SLC52A1: variants seen among roughly 807,000 people sequenced by gnomAD.
SLC52A1 encodes the protein solute carrier family 52, riboflavin transporter, member 1.
In SLC52A1, 20 loss-of-function variants were observed where a neutral mutation model predicts 23.2. That is an observed-to-expected ratio of 0.86 (90% CI 0.61 to 1.25). The LOEUF (loss-of-function observed/expected upper bound fraction) is 1.25, where lower values mean the gene tolerates loss of function less well. Among genes scored for constraint, SLC52A1 ranks in the 50% most tolerant of loss-of-function variants. The pLI is 0.00. For missense variants in SLC52A1, 528 were observed against 557.0 expected (o/e 0.95, Z 0.52); for synonymous variants, 260 against 256.6 (o/e 1.01, Z -0.13).
upstream of SLC52A1, among the ~76,000 whole-genome samples, chr17:5,035,873 A>ATTTT (rs71149503): frequency 2.4e-3 from 111 of 45,316 alleles, 15 homozygotes; most frequent in African/African-American, 9.1e-3. Flanking sequence ...TGTCCAGCTA[A>ATTTT]TTTTTTTTTT....
rs1975405521 is a variant in SLC52A1, at chr17:5,034,305, G to A, written c.184C>T (p.Leu62=). ...SVVVALGNLG[L]LVVTLWRQLA... ...TGCCTCCACAGGGTCACCACCAGCA[G>A]ACCCAGGTTTCCCAGCGCCACAACC... Residue 62 remains leucine, a synonymous_variant, in exon 3 of 5, where the codon CTG becomes TTG. Coordinates refer to ENST00000254853, the MANE Select transcript of SLC52A1 (RefSeq NM_017986.4). 3 of 1,596,986 alleles carry A rather than the reference G, an allele frequency of 1.9e-6. No individual in the cohort carries two copies. Among genetic ancestry groups the A allele is most frequent in the Non-Finnish European group, 2.6e-6 (3 of 1,171,682 alleles).
At position 5,033,464 on chromosome 17, in the gene SLC52A1, G is replaced by C. The variant is rs758195194; in HGVS notation, c.1010+15C>G. ...CCTTAAGTTCCACCCACCAAGCCTG[G>C]GGACCCTTTTGCACCTGCACAGCAC... is the stretch of plus-strand genomic sequence containing the variant. On this transcript the variant is annotated intron_variant, in intron 3 of 4. Transcript: ENST00000254853. The C allele has an allele frequency of 3.7e-6, 6 of 1,608,280 alleles. No individual in the cohort carries two copies. The highest frequency in any genetic ancestry group is 3.4e-5 in the Admixed American group (2 of 59,688).
chr17:5,038,724 C>A (rs997922839), upstream of SLC52A1, among the ~76,000 whole-genome samples: 10 of 151,888 alleles, frequency 6.6e-5, no homozygotes, highest in Non-Finnish European at 1.0e-4. Flanking sequence ...GTAGCTGGGA[C>A]TACAGGCGCC....
rs750951452 is a variant in SLC52A1, at chr17:5,033,761, T to C, written c.728A>G (p.Glu243Gly). The C allele has an allele frequency of 5.6e-6, 9 of 1,613,942 alleles. No individual in the cohort carries two copies. The South Asian group carries it at 9.9e-5, about 18-fold the overall frequency. The change falls in exon 3 of 5, where the codon GAA (glutamate) becomes GGA (glycine). Residue 243 changes from glutamate (E) to glycine (G), a missense_variant. By Grantham distance (98) the Glu-to-Gly change is moderately conservative (BLOSUM62 -2). Transcript: ENST00000254853. Reference protein sequence around the residue: ...LQLGSPGAEEEEKEEEEALPL... With the variant: ...LQLGSPGAEEGEKEEEEALPL... Reference sequence around the variant, plus strand: ...CAAAGCCTCTTCTTCCTCCTTCTCTTCCTCCTCTGCTCCTGGGGATCCCAG... The same window carrying C: ...CAAAGCCTCTTCTTCCTCCTTCTCTCCCTCCTCTGCTCCTGGGGATCCCAG...
Position 5,034,652 on chromosome 17 carries a change from A to T in SLC52A1, c.-46T>A. 6.2e-7 allele frequency: 1 copy of T among 1,608,904 alleles called. No homozygotes were observed. The highest frequency in any genetic ancestry group is 8.5e-7 in the Non-Finnish European group (1 of 1,177,584). ...CCAGGACAGGGCAAAGGTCACAGGC[A>T]GGTCCTTCCCTAGGTAGGTCCAAAG... On this transcript the variant is annotated 5_prime_UTR_variant, in exon 2 of 5. Transcript: ENST00000254853.
At chr17:5,039,972 G>A (rs1490029578), upstream of SLC52A1, among the ~76,000 whole-genome samples, 1 of 152,188 alleles carries the variant, frequency 6.6e-6, no homozygotes, top group African/African-American at 2.4e-5. Context: ...GACCCACATG[G>A]AGGGAGTCAA....
Position 5,034,014 on chromosome 17 carries a change from AG to A in SLC52A1, c.474del (p.Cys159ValfsTer5), listed in dbSNP as rs766197700. The A allele has an allele frequency of 2.5e-6, 4 of 1,614,048 alleles. No homozygotes were observed. The highest frequency in any genetic ancestry group is 3.4e-6 in the Non-Finnish European group (4 of 1,179,942). On this transcript the variant is annotated frameshift_variant, in exon 3 of 5. Coordinates refer to ENST00000254853, the MANE Select transcript of SLC52A1 (RefSeq NM_017986.4). LOFTEE classifies it high-confidence loss of function. Reference protein sequence around the residue: ...FLGQGLSALLPCVLALVQGVG... With the variant: ...FLGQGLSALLXCVLALVQGVG... Reference sequence around the variant, plus strand: ...ACACCTTGCACTAGGGCCAGCACACAGGGGAGTAGGGCACTGAGACCCTGAC... The same window carrying A: ...ACACCTTGCACTAGGGCCAGCACACAGGGAGTAGGGCACTGAGACCCTGAC...
chr17:5,035,634 G>A (rs957020699), upstream of SLC52A1, among the ~76,000 whole-genome samples: 5 of 152,192 alleles, frequency 3.3e-5, no homozygotes, highest in Non-Finnish European at 7.3e-5. Flanking sequence ...AGCCCCCTCC[G>A]CCGGGGAGGC....
In SLC52A1 at chr17:5,033,380, G is replaced by A. The variant is rs1476735432; in HGVS notation, c.1015C>T (p.Leu339=). The change falls in exon 4 of 5, where the codon CTG becomes TTG. Residue 339 remains leucine, a synonymous_variant. Coordinates refer to ENST00000254853, the MANE Select transcript of SLC52A1 (RefSeq NM_017986.4). ...AGAGAAAGACCAACCAGCCCTGCCA[G>A]GGACCTGTTGGGGATGAGCAGAGAC... is the stretch of plus-strand genomic sequence containing the variant. The part of the protein sequence containing the change: ...FLAMGVLCRS[L]AGLVGLSLLG... 4 of 1,613,836 alleles carry A rather than the reference G, an allele frequency of 2.5e-6. No homozygotes were observed. In the African/African-American group the frequency reaches 5.3e-5, roughly 22 times the overall value.
Position 5,034,124 on chromosome 17 carries a change from G to C in SLC52A1, c.365C>G (p.Ala122Gly), listed in dbSNP as rs1485838452. 3.1e-6 allele frequency: 5 copies of C among 1,614,228 alleles called. No homozygotes were observed. Among genetic ancestry groups the C allele is most frequent in the Non-Finnish European group, 4.2e-6 (5 of 1,180,028 alleles). ...GACATTAGAGGTACAACAGGCCATT[G>C]CCAACACCAAGGCCAGAGTTAGGAA... is the stretch of plus-strand genomic sequence containing the variant. ...VAFLTLALVL[A>G]MACCTSNVTF... Residue 122 changes from alanine (A) to glycine (G), a missense_variant, in exon 3 of 5, where the codon GCA becomes GGA. Ala to Gly is a moderately conservative substitution (Grantham distance 60). Transcript: ENST00000254853.
upstream of SLC52A1, among the ~76,000 whole-genome samples, chr17:5,036,403 CTTTTTTTTT>C (rs34031349): frequency 1.7e-5 from 1 of 59,208 alleles, no homozygotes; most frequent in African/African-American, 7.8e-5. Flanking sequence ...CTAATTTTTG[CTTTTTTTTT>C]TTTTTTTTTT....
At chr17:5,040,183 C>T (rs1194700639), upstream of SLC52A1, among the ~76,000 whole-genome samples, 1 of 151,736 alleles carries the variant, frequency 6.6e-6, no homozygotes, top group East Asian at 1.9e-4. Context: ...TCTTTTCCTT[C>T]TTTTTTTTGA....
chr17:5,035,420 C>T lies in SLC52A1; in HGVS notation c.-667G>A, dbSNP rs948213543. On this transcript the variant is annotated 5_prime_UTR_variant, in exon 1 of 5. Transcript: ENST00000254853. The stretch of plus-strand genomic sequence containing the variant: ...TCTGGTGCCACTTGCAACCCTAGCG[C>T]TTTTGCGACACTCAGGACTTGCTGA... 6.6e-6 allele frequency: 1 copy of T among 152,332 alleles called. No individual in the cohort carries two copies. The highest frequency in any genetic ancestry group is 2.4e-5 in the African/African-American group (1 of 41,482). 9.4% of individuals were successfully genotyped at this position (152,332 alleles called of 1,614,324 possible).
chr17:5,033,684 G>A lies in SLC52A1; in HGVS notation c.805C>T (p.Pro269Ser), dbSNP rs1488988534. 2 of 1,613,898 alleles carry A rather than the reference G, an allele frequency of 1.2e-6. No individual in the cohort carries two copies. The highest frequency in any genetic ancestry group is 4.5e-5 in the East Asian group (2 of 44,894). Residue 269 changes from proline to serine, a missense_variant, in exon 3 of 5, where the codon CCT (proline) becomes TCT (serine). Physicochemically the swap from Pro to Ser is moderately conservative, Grantham distance 74 (BLOSUM62 -1). Transcript: ENST00000254853. ...QAAGTIPGPDPEAHQLFSAHG... is the reference protein window; with the variant it reads ...QAAGTIPGPDSEAHQLFSAHG... ...GCTGAGAACAGCTGATGGGCCTCAG[G>A]GTCTGGGCCAGGGATGGTGCCTGCT...
At chr17:5,041,603 G>A (rs1422448810) in intron 1 of SLC52A1, among the ~76,000 whole-genome samples, 1 of 151,384 alleles carries the variant, frequency 6.6e-6, no homozygotes, top group Non-Finnish European at 1.5e-5. Flanking sequence ...TCAGCCTCCC[G>A]AGTAGCTGGG....
At chr17:5,036,040 CTTTTT>C (rs34027393), upstream of SLC52A1, among the ~76,000 whole-genome samples, 2 of 69,796 alleles carry the variant, frequency 2.9e-5, no homozygotes, top group Non-Finnish European at 5.3e-5. Context: ...TGTTTTTACA[CTTTTT>C]TTTTTTTTTT....
At position 5,034,045 on chromosome 17, in the gene SLC52A1, G is replaced by A; in HGVS notation, c.444C>T (p.Phe148=). The A allele has an allele frequency of 1.2e-6, 2 of 1,614,184 alleles. No homozygotes were observed. The highest frequency in any genetic ancestry group is 1.6e-4 in the Middle Eastern group (1 of 6,062). The change falls in exon 3 of 5, where the codon TTC becomes TTT. Residue 148 remains phenylalanine (F), a synonymous_variant. Coordinates refer to ENST00000254853, the MANE Select transcript of SLC52A1 (RefSeq NM_017986.4). The part of the protein sequence containing the change: ...HLPPPFLRSF[F]LGQGLSALLP... ...GTAGGGCACTGAGACCCTGACCCAG[G>A]AAGAAAGACCGTAAGAAAGGAGGTG...
rs1975413932 is a variant in SLC52A1, at chr17:5,034,556, G to A, written c.51C>T (p.Ala17=). 4 of 1,614,198 alleles carry A rather than the reference G, an allele frequency of 2.5e-6. No individual in the cohort carries two copies. The highest frequency in any genetic ancestry group is 2.5e-6 in the Non-Finnish European group (3 of 1,180,038). The change falls in exon 2 of 5, where the codon GCC becomes GCT. Residue 17 remains alanine, a synonymous_variant. Coordinates refer to ENST00000254853, the MANE Select transcript of SLC52A1 (RefSeq NM_017986.4). ...CAGCCCAGGAGCCCATGCCAAAAAG[G>A]GCCACCAGCAGGTGGGTCAGCACCA... ...GRLVLTHLLV[A]LFGMGSWAAV...
At chr17:5,037,176 AC>A (rs956026479), upstream of SLC52A1, among the ~76,000 whole-genome samples, 1 of 152,156 alleles carries the variant, frequency 6.6e-6, no homozygotes, top group Admixed American at 6.6e-5. Flanking sequence ...AACAAAGAAA[AC>A]AAAAGAATCG....
Sources: gnomAD v4.1 joint callset for allele counts (sites outside exome capture counted in the v4.1 genomes callset) on GRCh38, gnomAD v4.1.1 for gene constraint, MANE v1.5 for transcripts, NCBI Gene and HGNC (gene_info 2026-07-23, HGNC 2026-07-21) for gene names.